Variants in TLN2 observed in about 807,000 individuals in gnomAD.
TLN2 encodes talin-2.
A neutral mutation model predicts 294.7 loss-of-function variants in TLN2; 118 were observed. The ratio of observed to expected loss-of-function variants is 0.40; its 90% confidence interval spans 0.34 to 0.47. The LOEUF (loss-of-function observed/expected upper bound fraction) is 0.47, where lower values mean the gene tolerates loss of function less well. Among genes scored for constraint, TLN2 ranks in the 20% least tolerant of loss-of-function variants. The pLI, the probability that TLN2 is intolerant of heterozygous loss-of-function variation, is 0.84. For missense variants in TLN2, 3,083 were observed against 3,282.2 expected, an observed-to-expected ratio of 0.94 and a Z score of 1.48; for synonymous variants, 1,431 against 1,304.5, an observed-to-expected ratio of 1.10 and a Z score of -2.09.
At chr15:62,828,293 C>A (rs2068417944) in intron 54 of TLN2, 1 of 152,242 alleles carries the variant, frequency 6.6e-6, no homozygotes, top group Admixed American at 6.5e-5. Context: ...CAAGAGTTGG[C>A]CAGACAGCCC....
chr15:62,641,062 A>G (rs961176286), intron 3 of TLN2, among the ~76,000 whole-genome samples: 1 of 151,900 alleles, frequency 6.6e-6, no homozygotes, highest in Non-Finnish European at 1.5e-5. Context: ...TCAGCCTCCC[A>G]AAGTACTAGG....
chr15:62,800,884 A>G (rs2065886900), intron 50 of TLN2, 115 bp downstream of exon 50: 1 of 784,884 alleles, frequency 1.3e-6, no homozygotes, highest in East Asian at 2.7e-5. Flanking sequence ...TGAACTGAGA[A>G]TGCCCCTTCA....
chr15:62,445,012 C>T (rs2035745926), intron 1 of TLN2, among the ~76,000 whole-genome samples: 1 of 152,162 alleles, frequency 6.6e-6, no homozygotes, highest in Non-Finnish European at 1.5e-5. Context: ...GTATCATAAC[C>T]ATGGAGTTAC....
chr15:62,737,138 C>A, intron 29 of TLN2, 52 bp downstream of exon 29: 1 of 1,592,148 alleles, frequency 6.3e-7, no homozygotes, highest in East Asian at 2.2e-5. Flanking sequence ...TTAACGTGGA[C>A]ATGTGGTCGG....
chr15:62,701,904 T>G (rs2058740489), intron 17 of TLN2, 88 bp from the exon 18 acceptor site: 3 of 1,430,108 alleles, frequency 2.1e-6, no homozygotes, highest in African/African-American at 1.4e-5. Flanking sequence ...GGATGGTAGG[T>G]GAGGAACTCC....
At chr15:62,408,528 A>G (rs1489664450) in intron 1 of TLN2, among the ~76,000 whole-genome samples, 1 of 152,244 alleles carries the variant, frequency 6.6e-6, no homozygotes, top group Non-Finnish European at 1.5e-5. Context: ...GTCTCTCTGA[A>G]TAATGAAACT....
chr15:62,656,188 T>G, intron 8 of TLN2, 102 bp downstream of exon 8: 1 of 1,464,094 alleles, frequency 6.8e-7, no homozygotes, highest in Non-Finnish European at 9.3e-7. Flanking sequence ...TCTGCCACAT[T>G]TATGGCGTCG....
chr15:62,573,785 T>C (rs2044141343), intron 1 of TLN2, among the ~76,000 whole-genome samples: 2 of 151,616 alleles, frequency 1.3e-5, no homozygotes, highest in African/African-American at 4.8e-5. Flanking sequence ...CTTTTTTTTT[T>C]TTTTAAAACA....
chr15:62,783,721 CTGTGTGTGTGTG>C, intron 44 of TLN2, 38 bp from the exon 45 acceptor site: 1 of 1,244,416 alleles, frequency 8.0e-7, no homozygotes. Context: ...GCGTTTCTCT[CTGTGTGTGTGTG>C]TGTGTGTGTG....
intron 45 of TLN2, among the ~76,000 whole-genome samples, chr15:62,791,271 T>C (rs904357235): frequency 6.6e-6 from 1 of 152,028 alleles, no homozygotes; most frequent in Non-Finnish European, 1.5e-5. Context: ...AGGAGAATGC[T>C]TGGACCTGGG....
At position 62,727,198 on chromosome 15, in the gene TLN2, C is replaced by T. The variant is rs1567470232; in HGVS notation, c.3358+9C>T. The stretch of plus-strand genomic sequence containing the variant: ...CAACGAACACTACACAGGTGAGACC[C>T]ACGCCCTTCATGCCACTGTGGCCAG... On this transcript the variant is annotated intron_variant, in intron 28 of 58. Transcript: ENST00000636159. 1 of 1,610,374 alleles carries T rather than the reference C, an allele frequency of 6.2e-7. No homozygotes were observed. The highest frequency in any genetic ancestry group is 1.7e-4 in the Middle Eastern group (1 of 6,040).
At chr15:62,720,733 T>C (rs2060090899) in intron 25 of TLN2, among the ~76,000 whole-genome samples, 1 of 151,994 alleles carries the variant, frequency 6.6e-6, no homozygotes, top group Non-Finnish European at 1.5e-5. Flanking sequence ...GTTTTTCATC[T>C]AACATATTAT....
intron 12 of TLN2, among the ~76,000 whole-genome samples, chr15:62,689,578 T>C (rs1032477366): frequency 1.3e-5 from 2 of 152,126 alleles, no homozygotes; most frequent in Admixed American, 1.3e-4. Context: ...TAGCAACAAA[T>C]TGACTTTGTG....
chr15:62,601,965 TA>T (rs2047049099), intron 2 of TLN2, among the ~76,000 whole-genome samples: 1 of 152,250 alleles, frequency 6.6e-6, no homozygotes, highest in Non-Finnish European at 1.5e-5. Context: ...TATTTTTGTT[TA>T]CTTTCTGGTG....
intron 52 of TLN2, among the ~76,000 whole-genome samples, chr15:62,812,267 C>T (rs2066750826): frequency 6.6e-6 from 1 of 152,166 alleles, no homozygotes; most frequent in Non-Finnish European, 1.5e-5. Context: ...CATTTCACTT[C>T]TCCCCAGTTC....
chr15:62,508,290 C>T lies in TLN2; in HGVS notation c.-237-81397C>T, dbSNP rs527902168. 5.3e-5 allele frequency among the ~76,000 whole-genome samples: 8 copies of T among 152,250 alleles called. No homozygotes were observed. The Middle Eastern group carries it at 0.01, about 194-fold the overall frequency. On this transcript the variant is annotated intron_variant, in intron 1 of 58. Coordinates refer to ENST00000636159, the MANE Select transcript of TLN2 (RefSeq NM_015059.3). ...GGAGTGCAGTGGTGTGATCTTGACT[C>T]ACTGCAACCTTCGCCTCCCGGGTTC...
chr15:62,550,725 A>T (rs779079161), intron 1 of TLN2, among the ~76,000 whole-genome samples: 62 of 152,154 alleles, frequency 4.1e-4, no homozygotes, highest in Non-Finnish European at 6.5e-4. Flanking sequence ...GGTAACCACA[A>T]GAATCTCCTC....
At chr15:62,423,389 AAAC>A (rs892287007) in intron 1 of TLN2, among the ~76,000 whole-genome samples, 1 of 151,962 alleles carries the variant, frequency 6.6e-6, no homozygotes, top group African/African-American at 2.4e-5. Context: ...AAACAAAACA[AAAC>A]AACAACAACA....
intron 1 of TLN2, among the ~76,000 whole-genome samples, chr15:62,487,460 T>C (rs996313216): frequency 6.6e-6 from 1 of 152,178 alleles, no homozygotes; most frequent in African/African-American, 2.4e-5. Context: ...ATTTTACAAT[T>C]GAGTTGTTTA....
Sources: allele counts gnomAD v4.1 joint callset (sites outside exome capture counted in the v4.1 genomes callset), GRCh38; gene constraint gnomAD v4.1.1; transcripts MANE v1.5; gene names NCBI Gene and HGNC (gene_info 2026-07-23, HGNC 2026-07-21).